The following SENP6 variants were observed in gnomAD, a reference collection of about 807,000 sequenced individuals.
SENP6 encodes sentrin-specific protease 6.
SENP6 carries 41 observed loss-of-function variants against 134.5 expected under a neutral mutation model. The ratio of observed to expected loss-of-function variants is 0.30; its 90% confidence interval spans 0.24 to 0.40. The LOEUF is 0.40. Among genes scored for constraint, SENP6 ranks in the 10% least tolerant of loss-of-function variants. The pLI, the probability that SENP6 is intolerant of heterozygous loss-of-function variation, is 1.00. For synonymous variants in SENP6, 395 were observed against 429.8 expected, an observed-to-expected ratio of 0.92 and a Z score of 1.00; for missense variants, 1,248 against 1,312.5, an observed-to-expected ratio of 0.95 and a Z score of 0.76.
chr6:75,653,448 A>G (rs1285368895), intron 7 of SENP6, among the ~76,000 whole-genome samples: 1 of 152,016 alleles, frequency 6.6e-6, no homozygotes, highest in African/African-American at 2.4e-5. Flanking sequence ...AAAAATATTC[A>G]CCTTTATTTT....
At chr6:75,715,363 AC>A (rs1562083920) in intron 23 of SENP6, 21 bp from the exon 24 acceptor site, 5 of 1,508,392 alleles carry the variant, frequency 3.3e-6, no homozygotes, top group Non-Finnish European at 4.6e-6. Flanking sequence ...GTTTTCTAAT[AC>A]GCATTTAATT....
chr6:75,604,965 C>T (rs959245907), intron 1 of SENP6, among the ~76,000 whole-genome samples: 6 of 151,550 alleles, frequency 4.0e-5, no homozygotes, highest in Admixed American at 1.3e-4. Context: ...CCCAACTACT[C>T]GGGAGGCTGA....
intron 18 of SENP6, among the ~76,000 whole-genome samples, chr6:75,698,888 G>A (rs755664738): frequency 9.2e-5 from 14 of 151,896 alleles, no homozygotes; most frequent in Non-Finnish European, 1.5e-5. Flanking sequence ...GTGCGTGCCT[G>A]TAATCCCAGC....
chr6:75,654,195 G>A (rs939403264), intron 7 of SENP6, among the ~76,000 whole-genome samples: 3 of 152,168 alleles, frequency 2.0e-5, no homozygotes, highest in Non-Finnish European at 4.4e-5. Flanking sequence ...CTGTGATCAC[G>A]CCTCTGCACT....
chr6:75,622,500 A>G lies in SENP6; in HGVS notation c.146+875A>G, dbSNP rs575326082. ...CTTGAACCCGGGAGGTAGAGGTTGCAGTGAACCCAGATCATGCCATTGCAC... is the reference window on the plus strand; with the variant it reads ...CTTGAACCCGGGAGGTAGAGGTTGCGGTGAACCCAGATCATGCCATTGCAC... On this transcript the variant is annotated intron_variant, in intron 2 of 23. Transcript: ENST00000447266. 2.0e-5 allele frequency among the ~76,000 whole-genome samples: 3 copies of G among 152,336 alleles called. No individual in the cohort carries two copies. In the East Asian group the frequency reaches 5.8e-4, roughly 29 times the overall value.
At position 75,675,462 on chromosome 6, in the gene SENP6, CT is replaced by C. The variant is rs750377724; in HGVS notation, c.1421del (p.Leu474GlnfsTer9). 1 of 1,454,302 alleles carries C rather than the reference CT, an allele frequency of 6.9e-7. No individual in the cohort carries two copies. The highest frequency in any genetic ancestry group is 2.3e-5 in the East Asian group (1 of 42,930). 90.1% of individuals were successfully genotyped at this position (1,454,302 alleles called of 1,614,324 possible). A position where few individuals can be genotyped will look rare whatever the true frequency, so the allele number is the denominator to read the frequency against. ...TTGTTTAGATTTTATCAAGATACAG[CT>C]AGACGGTAAGCTATTTTATGTCTTT... ...IFCLDFIKIQ[L>X]DEPDHDPVEI... On this transcript the variant is annotated frameshift_variant, in exon 12 of 24. Coordinates refer to ENST00000447266, the MANE Select transcript of SENP6 (RefSeq NM_015571.4). LOFTEE classifies it high-confidence loss of function.
chr6:75,705,093 A>G (rs998321772), intron 19 of SENP6, among the ~76,000 whole-genome samples: 2 of 152,142 alleles, frequency 1.3e-5, no homozygotes, highest in Non-Finnish European at 2.9e-5. Flanking sequence ...TCTTTTCCCT[A>G]TACATTCCAA....
intron 3 of SENP6, among the ~76,000 whole-genome samples, chr6:75,630,369 T>A (rs376373316): frequency 6.6e-5 from 10 of 152,272 alleles, no homozygotes; most frequent in African/African-American, 2.2e-4. Context: ...TCGGCCAACA[T>A]TTTAGGTAAT....
chr6:75,702,750 T>C lies in SENP6; in HGVS notation c.2394T>C (p.Thr798=). The change falls in exon 19 of 24, where the codon ACT becomes ACC. Residue 798 remains threonine, a synonymous_variant. Transcript: ENST00000447266. ...HENAVIQKCS[T]VEDSCISSSA... The stretch of plus-strand genomic sequence containing the variant: ...ATGCTGTCATACAGAAATGTTCAAC[T>C]GTAGAGGACAGTTGTATTTCTTCTT... 1 of 1,614,090 alleles carries C rather than the reference T, an allele frequency of 6.2e-7. No individual in the cohort carries two copies.
chr6:75,628,115 T>C (rs1768838574), intron 3 of SENP6, among the ~76,000 whole-genome samples: 2 of 152,234 alleles, frequency 1.3e-5, no homozygotes, highest in African/African-American at 4.8e-5. Context: ...GATATGATAG[T>C]ATCATCTATT....
Position 75,709,584 on chromosome 6 carries a change from T to C in SENP6, c.2774T>C (p.Met925Thr). 1 of 1,614,002 alleles carries C rather than the reference T, an allele frequency of 6.2e-7. No homozygotes were observed. The highest frequency in any genetic ancestry group is 1.1e-5 in the South Asian group (1 of 91,070). Residue 925 changes from methionine (M) to threonine (T), a missense_variant, in exon 20 of 24, where the codon ATG becomes ACG. By Grantham distance (81) the Met-to-Thr change is moderately conservative. Transcript: ENST00000447266. ...GATGAATCACCTGAAGCTGGTAAAA[T>C]GCTTGAAGATGAACTCGTCGACTTC... ...YSDESPEAGKMLEDELVDFSE... is the reference protein window; with the variant it reads ...YSDESPEAGKTLEDELVDFSE...
intron 11 of SENP6, 74 bp downstream of exon 11, chr6:75,670,794 A>AT: frequency 1.4e-6 from 1 of 737,488 alleles, no homozygotes; most frequent in Non-Finnish European, 1.8e-6. Context: ...AATATATAAT[A>AT]TTTAAAATTT....
intron 16 of SENP6, among the ~76,000 whole-genome samples, chr6:75,683,520 AT>A (rs1212252187): frequency 6.6e-6 from 1 of 152,098 alleles, no homozygotes; most frequent in Non-Finnish European, 1.5e-5. Flanking sequence ...TAGGGTTTTT[AT>A]GGTTTTAGGT....
chr6:75,677,513 T>C (rs953733220), intron 14 of SENP6: 1 of 297,292 alleles, frequency 3.4e-6, no homozygotes, highest in Non-Finnish European at 6.2e-6. Flanking sequence ...TTCATCATCA[T>C]TTTCTCTGTC....
At position 75,675,423 on chromosome 6, in the gene SENP6, CTT is replaced by C; in HGVS notation, c.1393-4_1393-3del. 3 of 1,355,762 alleles carry C rather than the reference CTT, an allele frequency of 2.2e-6. No individual in the cohort carries two copies. The highest frequency in any genetic ancestry group is 2.2e-5 in the Admixed American group (1 of 45,106). 84.0% of individuals were successfully genotyped at this position (1,355,762 alleles called of 1,614,324 possible). On this transcript the variant is annotated splice_polypyrimidine_tract_variant and intron_variant, in intron 11 of 23. Transcript: ENST00000447266. Reference sequence around the variant, plus strand: ...TAAGTCTAGAGCAATACTAATTCATCTTTTTTTTTAGTTTTGTTTAGATTTTA... The same window carrying C: ...TAAGTCTAGAGCAATACTAATTCATCTTTTTTTAGTTTTGTTTAGATTTTA...
At chr6:75,653,233 G>A (rs535269553) in intron 7 of SENP6, among the ~76,000 whole-genome samples, 7 of 152,076 alleles carry the variant, frequency 4.6e-5, no homozygotes, top group African/African-American at 1.4e-4. Context: ...GTTTCTCCAT[G>A]TTGGTCAGTC....
In SENP6 at chr6:75,659,291, G is replaced by A. The variant is rs772501214; in HGVS notation, c.580G>A (p.Glu194Lys). 52 of 1,611,870 alleles carry A rather than the reference G, an allele frequency of 3.2e-5. 1 individual carries two copies. In the South Asian group the frequency reaches 5.2e-4, roughly 16 times the overall value. The change falls in exon 8 of 24, where the codon GAA becomes AAA. Residue 194 changes from glutamate (E) to lysine (K), a missense_variant. Transcript: ENST00000447266. ...TATAATGAAGAAAACAGAAGAGTCC[G>A]AATCACAAGTGGAGCCTGAAATTAA... ...ERIMKKTEES[E>K]SQVEPEIKRK... is the part of the protein sequence containing the mutation.
chr6:75,615,751 T>C (rs977270154), intron 1 of SENP6, among the ~76,000 whole-genome samples: 4 of 152,238 alleles, frequency 2.6e-5, no homozygotes, highest in African/African-American at 9.6e-5. Context: ...TTTTTTATTT[T>C]CTGCAAAAGT....
intron 8 of SENP6, among the ~76,000 whole-genome samples, chr6:75,661,469 A>G (rs1201609300): frequency 6.6e-6 from 1 of 152,242 alleles, no homozygotes; most frequent in East Asian, 1.9e-4. Flanking sequence ...GTTCAGGGGT[A>G]CATGTACAGG....
Sources: gnomAD v4.1 joint callset for allele counts (sites outside exome capture counted in the v4.1 genomes callset) on GRCh38, gnomAD v4.1.1 for gene constraint, MANE v1.5 for transcripts, NCBI Gene and HGNC (gene_info 2026-07-23, HGNC 2026-07-21) for gene names.